The following CUL2 variants were observed in gnomAD, a reference collection of about 807,000 sequenced individuals.
CUL2 encodes the protein cullin-2.
CUL2 carries 22 observed loss-of-function variants against 110.2 expected under a neutral mutation model. That is an observed-to-expected ratio of 0.20 (90% CI 0.14 to 0.28). CUL2 has a LOEUF of 0.28. Among genes scored for constraint, CUL2 ranks in the 10% least tolerant of loss-of-function variants. The probability of loss-of-function intolerance (pLI) is 1.00; values close to 1 mark genes in which losing one functional copy is unlikely to be tolerated. For synonymous variants in CUL2, 279 were observed against 293.2 expected, an observed-to-expected ratio of 0.95 and a Z score of 0.49; for missense variants, 631 against 905.5, an observed-to-expected ratio of 0.70 and a Z score of 3.89.
chr10:35,089,625 G>A (rs2087153274), intron 1 of CUL2, among the ~76,000 whole-genome samples: 1 of 152,208 alleles, frequency 6.6e-6, no homozygotes, highest in Non-Finnish European at 1.5e-5. Flanking sequence ...TAATGGTAGG[G>A]AATGGTCCAG....
At chr10:35,047,201 A>G (rs1049327689) in intron 6 of CUL2, among the ~76,000 whole-genome samples, 2 of 152,212 alleles carry the variant, frequency 1.3e-5, no homozygotes, top group Non-Finnish European at 2.9e-5. Flanking sequence ...ACTGTAAAAG[A>G]AAGATGTGGC....
upstream of CUL2, among the ~76,000 whole-genome samples, chr10:35,092,571 CTT>C (rs1271912745): frequency 2.6e-5 from 4 of 152,318 alleles, no homozygotes; most frequent in African/African-American, 7.2e-5. Flanking sequence ...AAGAAAAGCA[CTT>C]GTGTGGTTGA....
chr10:35,106,340 G>A (rs1350977501), intron 1 of CUL2, among the ~76,000 whole-genome samples: 1 of 150,488 alleles, frequency 6.6e-6, no homozygotes, highest in East Asian at 1.9e-4. Flanking sequence ...GTTTGTTTGA[G>A]AAGGAGTCTC....
Position 35,062,973 on chromosome 10 carries a change from C to T in CUL2, c.209G>A (p.Arg70Gln), listed in dbSNP as rs771154825. 77 of 1,589,408 alleles carry T rather than the reference C, an allele frequency of 4.8e-5. No individual in the cohort carries two copies. The highest frequency in any genetic ancestry group is 1.2e-4 in the African/African-American group (9 of 74,296). Residue 70 changes from arginine to glutamine, a missense_variant, in exon 3 of 21, where the codon CGG (arginine) becomes CAG (glutamine). This residue lies in a region of CUL2 where 338 missense variants were observed against 442.5 expected (regional missense o/e 0.76). Transcript: ENST00000374749. ...ATCATTGCTTACCTTATGCAAATGCCGAACATGATTTTCCAAAAAAATCTT... is the reference window on the plus strand; with the variant it reads ...ATCATTGCTTACCTTATGCAAATGCTGAACATGATTTTCCAAAAAAATCTT... ...ETKIFLENHV[R>Q]HLHKRVLESE... is the part of the protein sequence containing the mutation.
At chr10:35,116,190 A>G (rs958747647) in intron 1 of CUL2, among the ~76,000 whole-genome samples, 8 of 152,032 alleles carry the variant, frequency 5.3e-5, no homozygotes, top group Non-Finnish European at 1.2e-4. Flanking sequence ...TAAAAATACA[A>G]AAATTAGCCA....
chr10:35,012,000 G>T, intron 19 of CUL2, 36 bp from the exon 20 acceptor site: 1 of 1,139,966 alleles, frequency 8.8e-7, no homozygotes, highest in Non-Finnish European at 1.3e-6. Flanking sequence ...GACCCAACAA[G>T]ACATTAAGTC....
In CUL2 at chr10:35,032,426, C is replaced by G. The variant is rs370653086; in HGVS notation, c.1170+9G>C. 1 of 1,589,084 alleles carries G rather than the reference C, an allele frequency of 6.3e-7. No homozygotes were observed. Among genetic ancestry groups the G allele is most frequent in the East Asian group, 2.3e-5 (1 of 42,910 alleles). On this transcript the variant is annotated intron_variant, in intron 12 of 20. Transcript: ENST00000374749. Reference sequence around the variant, plus strand: ...CATAAGATTACTTTTCAGCAACCACCAAACTTACCAGTTCAGGTGCTTTGC... The same window carrying G: ...CATAAGATTACTTTTCAGCAACCACGAAACTTACCAGTTCAGGTGCTTTGC...
At chr10:35,063,537 A>G (rs922656558) in intron 2 of CUL2, among the ~76,000 whole-genome samples, 3 of 152,186 alleles carry the variant, frequency 2.0e-5, no homozygotes, top group Non-Finnish European at 2.9e-5. Context: ...CTCCTACATC[A>G]TAGCAGTCAG....
chr10:35,047,471 G>A (rs1444191799), intron 6 of CUL2, among the ~76,000 whole-genome samples: 1 of 151,800 alleles, frequency 6.6e-6, no homozygotes, highest in African/African-American at 2.4e-5. Context: ...ATAGCCGGGT[G>A]TGGTGGTGCG....
intron 1 of CUL2, among the ~76,000 whole-genome samples, chr10:35,104,997 G>A (rs1449311410): frequency 2.0e-5 from 3 of 151,972 alleles, no homozygotes; most frequent in African/African-American, 4.8e-5. Context: ...CCAATGTGCT[G>A]GGATTACAGG....
At position 35,025,154 on chromosome 10, in the gene CUL2, T is replaced by C. The variant is rs373759453; in HGVS notation, c.1662A>G (p.Thr554=). 1.0e-4 allele frequency: 158 copies of C among 1,576,668 alleles called. No homozygotes were observed. Among genetic ancestry groups the C allele is most frequent in the African/African-American group, 3.0e-4 (22 of 72,302 alleles). The change falls in exon 17 of 21, where the codon ACA becomes ACG. Residue 554 remains threonine (T), a synonymous_variant. Transcript: ENST00000374749. ...YSQHFSGRKL[T]WLHYLCTGEV... ...TACCTGTACACAGATAATGTAACCATGTAAGTTTCCTTCCACTGAAATGTT... is the reference window on the plus strand; with the variant it reads ...TACCTGTACACAGATAATGTAACCACGTAAGTTTCCTTCCACTGAAATGTT...
In CUL2 at chr10:35,011,856, T is replaced by A. The variant is rs1415615708; in HGVS notation, c.2098A>T (p.Ile700Phe). The part of the protein sequence containing the change: ...ARKVLRHNAL[I>F]QEVISQSRAR... ...GACTGCCCTCCTTTTACCTCTTGAA[T>A]AAGGGCATTGTGCCGAAGCACTTTT... Residue 700 changes from isoleucine (I) to phenylalanine (F), a missense_variant, in exon 20 of 21, where the codon ATT becomes TTT. Physicochemically the swap from Ile to Phe is conservative, Grantham distance 21. Coordinates refer to ENST00000374749, the MANE Select transcript of CUL2 (RefSeq NM_003591.4). 6.3e-7 allele frequency: 1 copy of A among 1,599,608 alleles called. No individual in the cohort carries two copies. The highest frequency in any genetic ancestry group is 1.3e-5 in the African/African-American group (1 of 74,626).
chr10:35,107,209 C>T (rs1236278866), intron 1 of CUL2, among the ~76,000 whole-genome samples: 7 of 151,912 alleles, frequency 4.6e-5, no homozygotes, highest in Non-Finnish European at 1.0e-4. Flanking sequence ...CTCCTGACCT[C>T]GTGATCCACC....
At chr10:35,085,181 C>A (rs373868566) in intron 1 of CUL2, among the ~76,000 whole-genome samples, 51 of 152,086 alleles carry the variant, frequency 3.4e-4, no homozygotes, top group African/African-American at 1.1e-3. Flanking sequence ...GTAATCCCAG[C>A]ACTCTGGGAG....
upstream of CUL2, among the ~76,000 whole-genome samples, chr10:35,094,085 G>A (rs890445159): frequency 3.9e-5 from 6 of 152,020 alleles, no homozygotes; most frequent in African/African-American, 9.7e-5. Context: ...TGCCAGGATC[G>A]TGCTTCTTGT....
chr10:35,044,949 CTCCTTA>C (rs2085896878), intron 6 of CUL2, 81 bp from the exon 7 acceptor site: 2 of 924,690 alleles, frequency 2.2e-6, no homozygotes, highest in African/African-American at 3.3e-5. Flanking sequence ...CAAAATATGG[CTCCTTA>C]TTCTATTGGT....
intron 2 of CUL2, among the ~76,000 whole-genome samples, chr10:35,070,246 A>G (rs1269479776): frequency 2.0e-5 from 3 of 152,204 alleles, no homozygotes; most frequent in Admixed American, 6.5e-5. Flanking sequence ...ACCCTTTTAC[A>G]TATCTTCAGT....
intron 2 of CUL2, among the ~76,000 whole-genome samples, chr10:35,065,336 C>A (rs1365926180): frequency 6.6e-6 from 1 of 152,032 alleles, no homozygotes. Context: ...GTCAAGAGAT[C>A]GAGGCCAGCC....
At chr10:35,037,732 A>C (rs538196785) in intron 9 of CUL2, among the ~76,000 whole-genome samples, 72 of 152,266 alleles carry the variant, frequency 4.7e-4, no homozygotes, top group African/African-American at 1.7e-3. Flanking sequence ...AGTCCCAGCT[A>C]CTCAGGAGGC....
Sources: allele counts gnomAD v4.1 joint callset (sites outside exome capture counted in the v4.1 genomes callset), GRCh38; gene constraint gnomAD v4.1.1; regional missense constraint gnomAD v4.1.1; transcripts MANE v1.5; gene names NCBI Gene and HGNC (gene_info 2026-07-23, HGNC 2026-07-21).